ZNF76: variants seen among roughly 807,000 people sequenced by gnomAD.
ZNF76 encodes zinc finger protein 76, also known as zinc finger protein 523.
A neutral mutation model predicts 66.9 loss-of-function variants in ZNF76; 66 were observed. The observed-to-expected ratio is 0.99, with a 90% CI of 0.81 to 1.21. The LOEUF is 1.21. Among genes scored for constraint, ZNF76 ranks in the 50% most tolerant of loss-of-function variants. The probability of loss-of-function intolerance (pLI) is 0.00; values close to 1 mark genes in which losing one functional copy is unlikely to be tolerated. For synonymous variants in ZNF76, 275 were observed against 296.1 expected (o/e 0.93, Z 0.73); for missense variants, 729 against 760.3 (o/e 0.96, Z 0.48).
chr6:35,286,237 G>C (rs1789544770), intron 3 of ZNF76, 29 bp downstream of exon 3: 2 of 1,613,920 alleles, frequency 1.2e-6, no homozygotes, highest in Non-Finnish European at 1.7e-6. Context: ...ACCATGCCTT[G>C]TCGAGGGAAG....
rs749735485 is a variant in ZNF76, at chr6:35,292,767, A to G, written c.1145A>G (p.Tyr382Cys). 1.1e-5 allele frequency: 17 copies of G among 1,613,864 alleles called. No homozygotes were observed. The South Asian group carries it at 1.8e-4, about 17-fold the overall frequency. Residue 382 changes from tyrosine to cysteine, a missense_variant, in exon 10 of 14, where the codon TAT (tyrosine) becomes TGT (cysteine). Transcript: ENST00000373953. This position sits in a 1 kb window ranked among gnomAD's most constrained non-coding sequence, Gnocchi z 4.7. ...EATEESEQAL[Y>C]EQQQLEAASA... ...ACGGAGGAGAGCGAGCAGGCCCTCTATGAGCAGCAGCAACTTGAGGGTAAG... is the reference window on the plus strand; with the variant it reads ...ACGGAGGAGAGCGAGCAGGCCCTCTGTGAGCAGCAGCAACTTGAGGGTAAG...
At position 35,287,525 on chromosome 6, in the gene ZNF76, A is replaced by G. The variant is rs1789737106; in HGVS notation, c.233-121A>G. ...AGAGTGAATCACAAAGTGAAGGGCC[A>G]TGAGAAATTGGATGTTGAAACCCTC... On this transcript the variant is annotated intron_variant, in intron 4 of 13. Transcript: ENST00000373953. This position sits in a 1 kb window ranked among gnomAD's most constrained non-coding sequence, Gnocchi z 4.0. 3 of 892,028 alleles carry G rather than the reference A, an allele frequency of 3.4e-6. No individual in the cohort carries two copies. Among genetic ancestry groups the G allele is most frequent in the South Asian group, 3.5e-5 (2 of 56,770 alleles). The allele number at this position is 892,028 out of a possible 1,614,324, so 55.3% of individuals were successfully genotyped here. A position where few individuals can be genotyped will look rare whatever the true frequency, so the allele number is the denominator to read the frequency against.
chr6:35,291,302 G>A lies in ZNF76; in HGVS notation c.650G>A (p.Arg217His), dbSNP rs754976796. 115 of 1,612,732 alleles carry A rather than the reference G, an allele frequency of 7.1e-5. No individual in the cohort carries two copies. Among genetic ancestry groups the A allele is most frequent in the Non-Finnish European group, 8.9e-5 (105 of 1,179,400 alleles). Reference protein sequence around the residue: ...ATGYGLKSHVRTHTGEKPYKC... With the variant: ...ATGYGLKSHVHTHTGEKPYKC... Reference sequence around the variant, plus strand: ...GGCTATGGACTGAAGAGCCACGTTCGTACCCACACTGGTGAGAAACCATAC... The same window carrying A: ...GGCTATGGACTGAAGAGCCACGTTCATACCCACACTGGTGAGAAACCATAC... Residue 217 changes from arginine to histidine, a missense_variant, in exon 8 of 14, where the codon CGT becomes CAT. Transcript: ENST00000373953.
Position 35,292,053 on chromosome 6 carries a change from T to A in ZNF76, c.931+316T>A, listed in dbSNP as rs544161316. On this transcript the variant is annotated intron_variant, in intron 9 of 13. Transcript: ENST00000373953. This position sits in a 1 kb window ranked among gnomAD's most constrained non-coding sequence, Gnocchi z 4.7. Reference sequence around the variant, plus strand: ...GAAAAGAGGCCAGGGTCAGGAATGATGGGGAAGAAGCAGAGTGAACTGTCA... The same window carrying A: ...GAAAAGAGGCCAGGGTCAGGAATGAAGGGGAAGAAGCAGAGTGAACTGTCA... 2 of 481,168 alleles carry A rather than the reference T, an allele frequency of 4.2e-6. No individual in the cohort carries two copies. Among genetic ancestry groups the A allele is most frequent in the Admixed American group, 6.7e-5 (2 of 29,808 alleles). The allele number at this position is 481,168 out of a possible 1,614,324, so 29.8% of individuals were successfully genotyped here. A position where few individuals can be genotyped will look rare whatever the true frequency, so the allele number is the denominator to read the frequency against.
At position 35,290,657 on chromosome 6, in the gene ZNF76, A is replaced by G; in HGVS notation, c.566A>G (p.His189Arg). The G allele has an allele frequency of 6.2e-7, 1 of 1,614,070 alleles. No homozygotes were observed. The highest frequency in any genetic ancestry group is 8.5e-7 in the Non-Finnish European group (1 of 1,179,940). ...AHHLKVHERA[H>R]TGDRPYRCDF... The stretch of plus-strand genomic sequence containing the variant: ...TCCTCACAGGTGCATGAACGAGCTC[A>G]TACAGGTGACCGTCCATACAGATGT... The change falls in exon 7 of 14, where the codon CAT (histidine) becomes CGT (arginine). Residue 189 changes from histidine (H) to arginine (R), a missense_variant. Physicochemically the swap from His to Arg is conservative, Grantham distance 29. Transcript: ENST00000373953.
rs552572043 is a variant in ZNF76 at position 35,283,063 on chromosome 6, A to G, written c.73+1839A>G. Reference sequence around the variant, plus strand: ...AGGGTTGTGTTTACTCCTTGGACCCAGTTAGTTCCCGTGCCTCAGTCTTCC... The same window carrying G: ...AGGGTTGTGTTTACTCCTTGGACCCGGTTAGTTCCCGTGCCTCAGTCTTCC... On this transcript the variant is annotated intron_variant, in intron 2 of 13. Coordinates refer to ENST00000373953, the MANE Select transcript of ZNF76 (RefSeq NM_003427.5). Among the ~76,000 whole-genome samples the G allele has an allele frequency of 1.9e-4, 29 of 152,328 alleles. No homozygotes were observed. In the South Asian group the frequency reaches 5.6e-3, roughly 29 times the overall value.
At chr6:35,274,393 A>C (rs1787578896) in intron 1 of ZNF76, among the ~76,000 whole-genome samples, 2 of 152,260 alleles carry the variant, frequency 1.3e-5, no homozygotes, top group Non-Finnish European at 1.5e-5. Flanking sequence ...AGGTGCCTGT[A>C]GTCAGCACAG....
At position 35,290,726 on chromosome 6, in the gene ZNF76, C is replaced by T. The variant is rs1442791385; in HGVS notation, c.625+10C>T. On this transcript the variant is annotated intron_variant, in intron 7 of 13. Coordinates refer to ENST00000373953, the MANE Select transcript of ZNF76 (RefSeq NM_003427.5). ...AAGGCCTTTGCCACAGGTAACCTGCCTGGTGGGCTGCTTCCAGTTGAGGGT... is the reference window on the plus strand; with the variant it reads ...AAGGCCTTTGCCACAGGTAACCTGCTTGGTGGGCTGCTTCCAGTTGAGGGT... 2.5e-6 allele frequency: 4 copies of T among 1,614,038 alleles called. No homozygotes were observed. Among genetic ancestry groups the T allele is most frequent in the Non-Finnish European group, 2.5e-6 (3 of 1,179,876 alleles).
intron 1 of ZNF76, among the ~76,000 whole-genome samples, chr6:35,268,904 C>G (rs1258209930): frequency 6.6e-6 from 1 of 152,046 alleles, no homozygotes; most frequent in Admixed American, 6.6e-5. Context: ...ACTTCAAATG[C>G]CTTTTACCCT....
At chr6:35,288,832 C>T (rs1002065499) in intron 5 of ZNF76, among the ~76,000 whole-genome samples, 26 of 151,452 alleles carry the variant, frequency 1.7e-4, no homozygotes, top group African/African-American at 5.8e-4. Flanking sequence ...CATGGTGGTG[C>T]GCACCTGTGG....
intron 1 of ZNF76, among the ~76,000 whole-genome samples, chr6:35,278,209 C>G (rs1788209932): frequency 6.6e-6 from 1 of 151,960 alleles, no homozygotes; most frequent in South Asian, 2.1e-4. Context: ...GCTGTTGTTG[C>G]CCAGGCTGGA....
chr6:35,276,999 A>C (rs1356123148), intron 1 of ZNF76, among the ~76,000 whole-genome samples: 1 of 146,860 alleles, frequency 6.8e-6, no homozygotes, highest in Admixed American at 6.9e-5. Context: ...GGGTTTCACC[A>C]TGTTGGTCAG....
chr6:35,292,422 CAG>C lies in ZNF76; in HGVS notation c.932-129_932-128del. The stretch of plus-strand genomic sequence containing the variant: ...GCCATCTTCCCCAACCCTGTCCATT[CAG>C]AGTCTCAGGTCTCAGTCCCTCTCCC... On this transcript the variant is annotated intron_variant, in intron 9 of 13. Transcript: ENST00000373953. This position sits in a 1 kb window ranked among gnomAD's most constrained non-coding sequence, Gnocchi z 4.7. 2 of 867,586 alleles carry C rather than the reference CAG, an allele frequency of 2.3e-6. No homozygotes were observed. Among genetic ancestry groups the C allele is most frequent in the Non-Finnish European group, 3.7e-6 (2 of 540,508 alleles). The allele number at this position is 867,586 out of a possible 1,614,324, so 53.7% of individuals were successfully genotyped here. A position where few individuals can be genotyped will look rare whatever the true frequency, so the allele number is the denominator to read the frequency against.
intron 1 of ZNF76, among the ~76,000 whole-genome samples, chr6:35,273,102 G>T (rs1339023811): frequency 6.6e-6 from 1 of 151,170 alleles, no homozygotes; most frequent in Non-Finnish European, 1.5e-5. Context: ...GTTGCAATGA[G>T]CTGAGCTCGC....
chr6:35,269,119 A>G (rs1371712894), intron 1 of ZNF76, among the ~76,000 whole-genome samples: 2 of 151,678 alleles, frequency 1.3e-5, no homozygotes, highest in African/African-American at 4.8e-5. Context: ...CATCTCTACT[A>G]AAAATACAAA....
chr6:35,290,207 G>A lies in ZNF76; in HGVS notation c.433-59G>A, dbSNP rs1352873414. On this transcript the variant is annotated intron_variant, in intron 5 of 13. Coordinates refer to ENST00000373953, the MANE Select transcript of ZNF76 (RefSeq NM_003427.5). ...GGTCTTAAGCTGCCAGCAGGGCCCTGTGTCCCACCTTCTTCACTGGGGAGA... is the reference window on the plus strand; with the variant it reads ...GGTCTTAAGCTGCCAGCAGGGCCCTATGTCCCACCTTCTTCACTGGGGAGA... The A allele has an allele frequency of 8.1e-6, 13 of 1,599,816 alleles. No individual in the cohort carries two copies. The Middle Eastern group carries it at 5.0e-4, about 62-fold the overall frequency.
chr6:35,289,388 G>GA (rs1236091432), intron 5 of ZNF76, among the ~76,000 whole-genome samples: 2 of 152,170 alleles, frequency 1.3e-5, no homozygotes, highest in African/African-American at 4.8e-5. Context: ...TTGAGCCTCT[G>GA]AGCTGGAGCC....
At chr6:35,264,863 A>G (rs1171462578) in intron 1 of ZNF76, among the ~76,000 whole-genome samples, 5 of 152,172 alleles carry the variant, frequency 3.3e-5, no homozygotes, top group Non-Finnish European at 7.4e-5. Context: ...CAGCTTAGGT[A>G]TGGTTTCTGG....
intron 1 of ZNF76, among the ~76,000 whole-genome samples, chr6:35,277,147 C>A (rs1009329661): frequency 6.6e-6 from 1 of 152,052 alleles, no homozygotes; most frequent in Non-Finnish European, 1.5e-5. Flanking sequence ...TGACACAGTG[C>A]AGTTACACTA....
Sources: gnomAD v4.1 joint callset for allele counts (sites outside exome capture counted in the v4.1 genomes callset) on GRCh38, gnomAD v4.1.1 for gene constraint, Gnocchi (gnomAD v3.1) non-coding constraint, MANE v1.5 for transcripts, NCBI Gene and HGNC (gene_info 2026-07-23, HGNC 2026-07-21) for gene names.